The following PAPPA2 variants were observed in gnomAD, a reference collection of about 807,000 sequenced individuals.
PAPPA2 encodes pappalysin-2.
A neutral mutation model predicts 176.4 loss-of-function variants in PAPPA2; 86 were observed. The ratio of observed to expected loss-of-function variants is 0.49; its 90% confidence interval spans 0.41 to 0.58. The LOEUF is 0.58. PAPPA2 is among the 20% of genes least tolerant of loss of function. The probability of loss-of-function intolerance (pLI) is 0.00; values close to 1 mark genes in which losing one functional copy is unlikely to be tolerated. For missense variants in PAPPA2, 2,073 were observed against 2,256.9 expected (o/e 0.92, Z 1.65); for synonymous variants, 809 against 852.2 (o/e 0.95, Z 0.88).
In PAPPA2 at chr1:176,555,804, A is replaced by C. The variant is rs766633069; in HGVS notation, c.-519A>C. The stretch of plus-strand genomic sequence containing the variant: ...ACTACAAAAAGAGAAGGTAATTCCT[A>C]GGGAAGGAAGAAGAGAAAGAAATGA... On this transcript the variant is annotated 5_prime_UTR_variant, in exon 2 of 23. Transcript: ENST00000367662. 14 of 152,768 alleles carry C rather than the reference A, an allele frequency of 9.2e-5. No individual in the cohort carries two copies. Among genetic ancestry groups the C allele is most frequent in the Non-Finnish European group, 1.8e-4 (12 of 68,488 alleles). The allele number at this position is 152,768 out of a possible 1,614,324, so 9.5% of individuals were successfully genotyped here. A position where few individuals can be genotyped will look rare whatever the true frequency, so the allele number is the denominator to read the frequency against.
At chr1:176,647,788 T>A (rs1657492688) in intron 3 of PAPPA2, among the ~76,000 whole-genome samples, 1 of 151,560 alleles carries the variant, frequency 6.6e-6, no homozygotes, top group South Asian at 2.1e-4. Context: ...ATGTTTTTTG[T>A]TTGTTTCTTT....
At chr1:176,599,646 G>A (rs1654197451) in intron 3 of PAPPA2, among the ~76,000 whole-genome samples, 1 of 151,128 alleles carries the variant, frequency 6.6e-6, no homozygotes, top group African/African-American at 2.4e-5. Flanking sequence ...TTTAAGATAA[G>A]CATTTTCAAA....
rs532643570 is a variant in PAPPA2, at chr1:176,635,843, C to G, written c.1992-35127C>G. Reference sequence around the variant, plus strand: ...CATTTTTTTGTGTGGTACATAGTTTCATTATATAATAATTTAATTATATGA... The same window carrying G: ...CATTTTTTTGTGTGGTACATAGTTTGATTATATAATAATTTAATTATATGA... On this transcript the variant is annotated intron_variant, in intron 3 of 22. Transcript: ENST00000367662. Among the ~76,000 whole-genome samples, 6 of 152,132 alleles carry G rather than the reference C, an allele frequency of 3.9e-5. No homozygotes were observed. In the East Asian group the frequency reaches 7.7e-4, roughly 20 times the overall value.
At chr1:176,633,038 C>A (rs1656436925) in intron 3 of PAPPA2, among the ~76,000 whole-genome samples, 3 of 152,028 alleles carry the variant, frequency 2.0e-5, no homozygotes, top group African/African-American at 7.3e-5. Context: ...TACTTTACAT[C>A]TAATCTTCAC....
Position 176,789,885 on chromosome 1 carries a change from C to A in PAPPA2, c.4792C>A (p.Pro1598Thr). The A allele has an allele frequency of 6.2e-7, 1 of 1,614,132 alleles. No homozygotes were observed. Among genetic ancestry groups the A allele is most frequent in the African/African-American group, 1.3e-5 (1 of 75,044 alleles). ...CTGCATTCCTGTGGTGTGTGAGCCACCCCCTCCTGTGTTTGAAGGCATGTA... is the reference window on the plus strand; with the variant it reads ...CTGCATTCCTGTGGTGTGTGAGCCAACCCCTCCTGTGTTTGAAGGCATGTA... ...GSCIPVVCEPPPPVFEGMYEC... is the reference protein window; with the variant it reads ...GSCIPVVCEPTPPVFEGMYEC... The change falls in exon 18 of 23, where the codon CCC becomes ACC. Residue 1598 changes from proline to threonine, a missense_variant. Transcript: ENST00000367662.
chr1:176,681,364 G>A (rs893887302), intron 4 of PAPPA2, among the ~76,000 whole-genome samples: 4 of 152,134 alleles, frequency 2.6e-5, no homozygotes, highest in African/African-American at 9.7e-5. Context: ...AGGTGCATGC[G>A]ACTTGAGGAC....
intron 12 of PAPPA2, among the ~76,000 whole-genome samples, chr1:176,731,843 A>T (rs1389608459): frequency 1.3e-5 from 2 of 152,078 alleles, no homozygotes; most frequent in Non-Finnish European, 2.9e-5. Context: ...AAAAAATAGA[A>T]CAACCATTTC....
chr1:176,598,298 T>A (rs1654095428), intron 3 of PAPPA2, among the ~76,000 whole-genome samples: 1 of 152,106 alleles, frequency 6.6e-6, no homozygotes, highest in Non-Finnish European at 1.5e-5. Context: ...CCTGTACACC[T>A]CCAAATATTA....
At chr1:176,470,211 ACAC>A (rs1223995549) in intron 1 of PAPPA2, among the ~76,000 whole-genome samples, 1 of 152,240 alleles carries the variant, frequency 6.6e-6, no homozygotes, top group African/African-American at 2.4e-5. Flanking sequence ...GGGCTCACTC[ACAC>A]AATCACAGAA....
chr1:176,525,045 A>AC (rs1276306365), intron 1 of PAPPA2, among the ~76,000 whole-genome samples: 2 of 152,070 alleles, frequency 1.3e-5, no homozygotes, highest in Non-Finnish European at 2.9e-5. Flanking sequence ...CCGTCTCAAA[A>AC]AAAAAAAGTT....
chr1:176,524,640 T>C (rs1279446466), intron 1 of PAPPA2, among the ~76,000 whole-genome samples: 1 of 151,968 alleles, frequency 6.6e-6, no homozygotes, highest in African/African-American at 2.4e-5. Context: ...CAGCATGGGG[T>C]AAAGAAGTTT....
intron 2 of PAPPA2, among the ~76,000 whole-genome samples, chr1:176,581,326 A>G (rs147541127): frequency 2.0e-5 from 3 of 152,236 alleles, no homozygotes; most frequent in South Asian, 2.1e-4. Flanking sequence ...CTATTTGCCT[A>G]TTTTTATGCC....
At chr1:176,738,277 T>G (rs1277484366) in intron 12 of PAPPA2, among the ~76,000 whole-genome samples, 1 of 152,074 alleles carries the variant, frequency 6.6e-6, no homozygotes, top group Non-Finnish European at 1.5e-5. Context: ...GGAAAGACAC[T>G]GTAAAAAGAG....
chr1:176,837,339 TA>T (rs1667310041), intron 21 of PAPPA2, among the ~76,000 whole-genome samples: 1 of 152,062 alleles, frequency 6.6e-6, no homozygotes, highest in South Asian at 2.1e-4. Flanking sequence ...GGCTCAAACA[TA>T]AATCATCTCT....
chr1:176,561,402 C>G (rs115732931), intron 2 of PAPPA2, among the ~76,000 whole-genome samples: 1 of 152,138 alleles, frequency 6.6e-6, no homozygotes, highest in Non-Finnish European at 1.5e-5. Flanking sequence ...GGGAGCAGCA[C>G]GTTAACCTGC....
At chr1:176,832,343 A>G (rs1012402692) in intron 21 of PAPPA2, among the ~76,000 whole-genome samples, 2 of 152,114 alleles carry the variant, frequency 1.3e-5, no homozygotes, top group Admixed American at 1.3e-4. Context: ...GCATAGGTTT[A>G]TGTAAAACCA....
chr1:176,500,252 T>G (rs1420873562), intron 1 of PAPPA2, among the ~76,000 whole-genome samples: 1 of 152,046 alleles, frequency 6.6e-6, no homozygotes, highest in Non-Finnish European at 1.5e-5. Context: ...TACAGTTCCA[T>G]GTATTTTATT....
At chr1:176,471,509 G>A (rs7536647) in intron 1 of PAPPA2, among the ~76,000 whole-genome samples, 1 of 151,854 alleles carries the variant, frequency 6.6e-6, no homozygotes, top group Non-Finnish European at 1.5e-5. Flanking sequence ...GCAAGCACTC[G>A]GTTAACCATC....
At chr1:176,833,097 T>C (rs1667140424) in intron 21 of PAPPA2, among the ~76,000 whole-genome samples, 1 of 152,216 alleles carries the variant, frequency 6.6e-6, no homozygotes, top group Non-Finnish European at 1.5e-5. Flanking sequence ...GCAGGATGTG[T>C]ATCTTCATTG....
Sources: gnomAD v4.1 joint callset for allele counts (sites outside exome capture counted in the v4.1 genomes callset) on GRCh38, gnomAD v4.1.1 for gene constraint, MANE v1.5 for transcripts, NCBI Gene and HGNC (gene_info 2026-07-23, HGNC 2026-07-21) for gene names.